LRP1: variants seen among roughly 807,000 people sequenced by gnomAD.
LRP1 encodes the protein LDL receptor related protein 1.
A neutral mutation model predicts 541.5 loss-of-function variants in LRP1; 51 were observed. That is an observed-to-expected ratio of 0.09 (90% CI 0.08 to 0.12). The LOEUF (loss-of-function observed/expected upper bound fraction) is 0.12. Ranked by LOEUF, LRP1 falls within the 10% of genes least tolerant of loss-of-function variation. The probability of loss-of-function intolerance (pLI) is 1.00; values close to 1 mark genes in which losing one functional copy is unlikely to be tolerated. For synonymous variants in LRP1, 2,219 were observed against 2,470.8 expected (o/e 0.90, Z 3.02); for missense variants, 3,878 against 6,376.2 (o/e 0.61, Z 13.34).
In LRP1 at chr12:57,209,864, C is replaced by T. The variant is rs770105888; in HGVS notation, c.12435C>T (p.Pro4145=). 25 of 1,613,470 alleles carry T rather than the reference C, an allele frequency of 1.5e-5. No homozygotes were observed. The African/African-American group carries it at 2.3e-4, about 15-fold the overall frequency. The part of the protein sequence containing the change: ...DVVLYHQHKQ[P]EVTNPCDRKK... ...TCCTTTACCATCAGCACAAGCAGCC[C>T]GAAGGTGGGGGCAGAGGGGAGCCTG... is the stretch of plus-strand genomic sequence containing the variant. Residue 4145 remains proline (P), a synonymous_variant, in exon 80 of 89, where the codon CCC becomes CCT. Coordinates refer to ENST00000243077, the MANE Select transcript of LRP1 (RefSeq NM_002332.3).
chr12:57,175,233 G>T (rs1331530976), intron 22 of LRP1, among the ~76,000 whole-genome samples: 1 of 152,206 alleles, frequency 6.6e-6, no homozygotes, highest in Admixed American at 6.5e-5. Flanking sequence ...GGGAGGTATG[G>T]TGCCAGCTGG....
chr12:57,187,476 T>G lies in LRP1; in HGVS notation c.7031+20T>G, dbSNP rs771379986. The G allele has an allele frequency of 5.6e-6, 9 of 1,605,866 alleles. No individual in the cohort carries two copies. In the African/African-American group the frequency reaches 1.2e-4, roughly 21 times the overall value. On this transcript the variant is annotated intron_variant, in intron 42 of 88. Coordinates refer to ENST00000243077, the MANE Select transcript of LRP1 (RefSeq NM_002332.3). ...CCAGAAGTGAGCTGCTGCCTGGGGA[T>G]GGGGGTAGCAGGGAGAGGTGGGACT...
intron 51 of LRP1, 44 bp from the exon 52 acceptor site, chr12:57,195,227 C>T: frequency 1.2e-6 from 2 of 1,606,508 alleles, no homozygotes; most frequent in Non-Finnish European, 1.7e-6. Flanking sequence ...TAGACCTGAT[C>T]TACCCGCTCC....
rs142299375 is a variant in LRP1, at chr12:57,210,033, C to T, written c.12444C>T (p.Thr4148=). 5 of 1,607,102 alleles carry T rather than the reference C, an allele frequency of 3.1e-6. No homozygotes were observed. The African/African-American group carries it at 5.3e-5, about 17-fold the overall frequency. ...CCACCCCACCCATACCTGCAGTGAC[C>T]AACCCATGTGACCGCAAGAAATGCG... ...LYHQHKQPEV[T]NPCDRKKCEW... Residue 4148 remains threonine (T), a synonymous_variant, in exon 81 of 89, where the codon ACC becomes ACT. Transcript: ENST00000243077.
Position 57,209,655 on chromosome 12 carries a change from C to T in LRP1, c.12263-37C>T. On this transcript the variant is annotated intron_variant, in intron 79 of 88. Coordinates refer to ENST00000243077, the MANE Select transcript of LRP1 (RefSeq NM_002332.3). ...GGACAGCATGGCCAGGGCCTGAGTG[C>T]CCCTCAGGTCCCCTCTGACTCCACC... The T allele has an allele frequency of 1.9e-6, 3 of 1,581,532 alleles. No homozygotes were observed. In the South Asian group the frequency reaches 3.3e-5, roughly 18 times the overall value.
intron 1 of LRP1, among the ~76,000 whole-genome samples, chr12:57,135,408 A>G (rs1471532722): frequency 6.6e-6 from 1 of 152,172 alleles, no homozygotes; most frequent in Non-Finnish European, 1.5e-5. Context: ...TAAGCAGATT[A>G]TAAGGGTCCT....
chr12:57,194,244 G>T (rs2036476584), intron 48 of LRP1, 110 bp from the exon 49 acceptor site: 1 of 1,275,764 alleles, frequency 7.8e-7, no homozygotes, highest in Non-Finnish European at 1.1e-6. Flanking sequence ...CACCAGAAGG[G>T]CACCGTTCAA....
chr12:57,209,347 G>A, intron 79 of LRP1, 148 bp downstream of exon 79: 1 of 687,620 alleles, frequency 1.5e-6, no homozygotes. Flanking sequence ...TCTCCAGCTG[G>A]CCTCCCCCTG....
chr12:57,191,998 A>G (rs983497442), intron 44 of LRP1, among the ~76,000 whole-genome samples: 29 of 38,648 alleles, frequency 7.5e-4, no homozygotes, highest in Non-Finnish European at 2.9e-4. Context: ...CACACATAGG[A>G]CACACATACA....
At chr12:57,181,033 G>T (rs989598555) in intron 33 of LRP1, 124 bp from the exon 34 acceptor site, 1 of 1,304,624 alleles carries the variant, frequency 7.7e-7, no homozygotes, top group Non-Finnish European at 1.1e-6. Context: ...GCTGGGTAGG[G>T]TGGTGACCCC....
At position 57,205,322 on chromosome 12, in the gene LRP1, G is replaced by A; in HGVS notation, c.11336-29G>A. 4.4e-6 allele frequency: 7 copies of A among 1,591,218 alleles called. No individual in the cohort carries two copies. Among genetic ancestry groups the A allele is most frequent in the Non-Finnish European group, 6.0e-6 (7 of 1,166,610 alleles). ...AAGCCCTGGCCTGGGGTGGCTCAAG[G>A]GAGGGCATCCACTCTCTGTCCCCCA... On this transcript the variant is annotated intron_variant, in intron 73 of 88. Coordinates refer to ENST00000243077, the MANE Select transcript of LRP1 (RefSeq NM_002332.3). The surrounding 1 kb of genome is among the most constrained non-coding windows in gnomAD (Gnocchi z 4.6).
chr12:57,211,513 G>C lies in LRP1; in HGVS notation c.13118G>C (p.Ser4373Thr). ...CNCTDGRVAP[S>T]CLTCVGHCSN... Reference sequence around the variant, plus strand: ...TGCACGGATGGCCGGGTGGCCCCCAGCTGTCTGACCTGCGTCGGCCACTGC... The same window carrying C: ...TGCACGGATGGCCGGGTGGCCCCCACCTGTCTGACCTGCGTCGGCCACTGC... Residue 4373 changes from serine to threonine, a missense_variant, in exon 85 of 89, where the codon AGC becomes ACC. Ser to Thr is a moderately conservative substitution (Grantham distance 58). Transcript: ENST00000243077. This position sits in a 1 kb window ranked among gnomAD's most constrained non-coding sequence, Gnocchi z 4.3. The C allele has an allele frequency of 6.2e-7, 1 of 1,613,976 alleles. No homozygotes were observed. The highest frequency in any genetic ancestry group is 8.5e-7 in the Non-Finnish European group (1 of 1,180,038).
rs1270399877 is a variant in LRP1 at position 57,199,326 on chromosome 12, A to G, written c.9791A>G (p.Asn3264Ser). The change falls in exon 61 of 89, where the codon AAC (asparagine) becomes AGC (serine). Residue 3264 changes from asparagine to serine, a missense_variant. By Grantham distance (46) the Asn-to-Ser change is conservative. Around this residue, in one of 13 missense-constraint regions of LRP1, gnomAD observed 1,100 missense variants for 1,827.4 expected, o/e 0.60. Coordinates refer to ENST00000243077, the MANE Select transcript of LRP1 (RefSeq NM_002332.3). ...CGAGCCCACAAGACCACGGGCACCAACAAAACGCTCCTCATCAGCACGCTG... is the reference window on the plus strand; with the variant it reads ...CGAGCCCACAAGACCACGGGCACCAGCAAAACGCTCCTCATCAGCACGCTG... ...INRAHKTTGT[N>S]KTLLISTLHR... is the part of the protein sequence containing the mutation. The G allele has an allele frequency of 1.2e-6, 2 of 1,613,576 alleles. No individual in the cohort carries two copies. Among genetic ancestry groups the G allele is most frequent in the Non-Finnish European group, 1.7e-6 (2 of 1,179,968 alleles).
intron 2 of LRP1, among the ~76,000 whole-genome samples, chr12:57,139,187 T>C (rs948125518): frequency 3.3e-5 from 5 of 152,158 alleles, no homozygotes; most frequent in African/African-American, 1.2e-4. Context: ...GGCACAGTCC[T>C]GGTGGCTCCA....
rs199672493 is a variant in LRP1 at position 57,181,287 on chromosome 12, C to T, written c.5658C>T (p.Cys1886=). Residue 1886 remains cysteine (C), a synonymous_variant, in exon 34 of 89, where the codon TGC becomes TGT. Transcript: ENST00000243077. ...GYSLRSGQQA[C]EGVGSFLLYS... ...GCCTCCGGAGTGGCCAGCAGGCCTG[C>T]GAGGGTCAGTGCCTGGCTTTCCTCC... is the stretch of plus-strand genomic sequence containing the variant. 5.7e-5 allele frequency: 92 copies of T among 1,610,922 alleles called. 1 individual carries two copies. In the East Asian group the frequency reaches 1.4e-3, roughly 24 times the overall value.
Position 57,156,459 on chromosome 12 carries a change from G to C in LRP1, c.1417+176G>C, listed in dbSNP as rs2035622279. 6.6e-6 allele frequency among the ~76,000 whole-genome samples: 1 copy of C among 152,074 alleles called. No individual in the cohort carries two copies. Among genetic ancestry groups the C allele is most frequent in the Admixed American group, 6.5e-5 (1 of 15,274 alleles). On this transcript the variant is annotated intron_variant, in intron 9 of 88. Coordinates refer to ENST00000243077, the MANE Select transcript of LRP1 (RefSeq NM_002332.3). This position sits in a 1 kb window ranked among gnomAD's most constrained non-coding sequence, Gnocchi z 5.2. ...CTGCCCTGGCCCCTCAGCTTCCCCT[G>C]CCAGCCCCCATCCACCCACTCAGCC... is the stretch of plus-strand genomic sequence containing the variant.
rs1800189 is a variant in LRP1 at position 57,196,082 on chromosome 12, C to T, written c.8702-5C>T. On this transcript the variant is annotated splice_polypyrimidine_tract_variant and splice_region_variant and intron_variant, in intron 54 of 88. Transcript: ENST00000243077. ...CGCTGACCTGCCGCCTCCGCCCCTC[C>T]GCAGAGCACAAGTGCAATGCCTCGT... 1,054,541 of 1,608,782 alleles carry T rather than the reference C, an allele frequency of 0.66. 356,159 individuals carry two copies. The highest frequency in any genetic ancestry group is 0.78 in the South Asian group (71,315 of 90,894).
In LRP1 at chr12:57,154,356, G is replaced by T; in HGVS notation, c.990G>T (p.Leu330=). ...LELYNPKGIA[L]DPAMGKVFFT... ...TCTACAACCCCAAGGGCATTGCCCTGGACCCTGCCATGGGGTGAGAGTGGC... is the reference window on the plus strand; with the variant it reads ...TCTACAACCCCAAGGGCATTGCCCTTGACCCTGCCATGGGGTGAGAGTGGC... The change falls in exon 7 of 89, where the codon CTG becomes CTT. Residue 330 remains leucine (L), a synonymous_variant. Coordinates refer to ENST00000243077, the MANE Select transcript of LRP1 (RefSeq NM_002332.3). This position sits in a 1 kb window ranked among gnomAD's most constrained non-coding sequence, Gnocchi z 4.6. 1 of 1,611,530 alleles carries T rather than the reference G, an allele frequency of 6.2e-7. No individual in the cohort carries two copies. The highest frequency in any genetic ancestry group is 8.5e-7 in the Non-Finnish European group (1 of 1,177,770).
rs2036568883 is a variant in LRP1, at chr12:57,197,748, C to A, written c.9282+84C>A. 1 of 1,531,476 alleles carries A rather than the reference C, an allele frequency of 6.5e-7. No individual in the cohort carries two copies. Among genetic ancestry groups the A allele is most frequent in the Admixed American group, 1.9e-5 (1 of 53,414 alleles). 94.9% of individuals were successfully genotyped at this position (1,531,476 alleles called of 1,614,324 possible). ...TCGTCTCTCCTTCCCGCCCCACCAACCCAAATTGCTTCCTTCTCACTCCAC... is the reference window on the plus strand; with the variant it reads ...TCGTCTCTCCTTCCCGCCCCACCAAACCAAATTGCTTCCTTCTCACTCCAC... On this transcript the variant is annotated intron_variant, in intron 58 of 88. Transcript: ENST00000243077. The surrounding 1 kb of genome is among the most constrained non-coding windows in gnomAD (Gnocchi z 4.5).
Sources: gnomAD v4.1 joint callset for allele counts (sites outside exome capture counted in the v4.1 genomes callset) on GRCh38, gnomAD v4.1.1 for gene constraint, gnomAD v4.1.1 regional missense constraint, Gnocchi (gnomAD v3.1) non-coding constraint, MANE v1.5 for transcripts, NCBI Gene and HGNC (gene_info 2026-07-23, HGNC 2026-07-21) for gene names.